Variants in FARP1 observed in about 807,000 individuals in gnomAD.
The protein encoded by FARP1 is FERM, ARH/RhoGEF and pleckstrin domain protein 1.
FARP1 carries 52 observed loss-of-function variants against 128.8 expected under a neutral mutation model. That is an observed-to-expected ratio of 0.40 (90% CI 0.32 to 0.51). The LOEUF (loss-of-function observed/expected upper bound fraction) is 0.51. FARP1 is among the 20% of genes least tolerant of loss of function. The pLI is 0.45. For missense variants in FARP1, 1,333 were observed against 1,367.9 expected (o/e 0.97, Z 0.40); for synonymous variants, 580 against 551.8 (o/e 1.05, Z -0.72).
At chr13:98,152,603 T>C (rs1440641850) in intron 1 of FARP1, among the ~76,000 whole-genome samples, 1 of 152,226 alleles carries the variant, frequency 6.6e-6, no homozygotes, top group African/African-American at 2.4e-5. Context: ...TGTTCTAGGA[T>C]ACCAGATAAT....
At chr13:98,373,181 A>C (rs1889423212) in intron 5 of FARP1, among the ~76,000 whole-genome samples, 2 of 152,172 alleles carry the variant, frequency 1.3e-5, no homozygotes. Context: ...GCCATCTCGC[A>C]GCCCATGTGT....
At chr13:98,393,772 C>G (rs375215549) in intron 12 of FARP1, 54 bp downstream of exon 12, 3 of 1,368,870 alleles carry the variant, frequency 2.2e-6, no homozygotes, top group African/African-American at 2.8e-5. Flanking sequence ...ACTTCCTCCA[C>G]GGAGCCCTGG....
At chr13:98,178,593 A>C (rs1218836704) in intron 1 of FARP1, among the ~76,000 whole-genome samples, 1 of 152,224 alleles carries the variant, frequency 6.6e-6, no homozygotes, top group Non-Finnish European at 1.5e-5. Flanking sequence ...TTATTTAGCC[A>C]GTGCATGTCA....
At chr13:98,293,340 G>A (rs1436809713) in intron 2 of FARP1, among the ~76,000 whole-genome samples, 3 of 152,134 alleles carry the variant, frequency 2.0e-5, no homozygotes, top group African/African-American at 7.2e-5. Context: ...TGTTCTCATA[G>A]CAGAGCCATG....
intron 2 of FARP1, among the ~76,000 whole-genome samples, chr13:98,282,531 TTC>T (rs1008808056): frequency 6.6e-6 from 1 of 152,178 alleles, no homozygotes; most frequent in Non-Finnish European, 1.5e-5. Flanking sequence ...CTAAGATCAG[TTC>T]TCTCTCTAAG....
intron 3 of FARP1, among the ~76,000 whole-genome samples, chr13:98,352,439 C>T (rs1888475651): frequency 6.6e-6 from 1 of 152,020 alleles, no homozygotes; most frequent in African/African-American, 2.4e-5. Context: ...GAGAGGGGAG[C>T]CCATATGGAA....
chr13:98,395,436 G>A lies in FARP1; in HGVS notation c.1374G>A (p.Arg458=). 2 of 1,603,264 alleles carry A rather than the reference G, an allele frequency of 1.2e-6. No homozygotes were observed. Among genetic ancestry groups the A allele is most frequent in the South Asian group, 1.1e-5 (1 of 90,714 alleles). ...AAGAGGAGGAGGTCGTTAAGGATAG[G>A]ACCCAGCAGAGTAAACCTCAGCCCC... ...TEEEEEVVKD[R]TQQSKPQPPQ... is the part of the protein sequence containing the mutation. Residue 458 remains arginine, a synonymous_variant, in exon 13 of 27, where the codon AGG becomes AGA. Coordinates refer to ENST00000319562, the MANE Select transcript of FARP1 (RefSeq NM_005766.4).
At chr13:98,342,364 CTG>C (rs1375121210) in intron 2 of FARP1, among the ~76,000 whole-genome samples, 1 of 152,350 alleles carries the variant, frequency 6.6e-6, no homozygotes, top group East Asian at 1.9e-4. Flanking sequence ...GGTGAATAAA[CTG>C]TATTACATCC....
At position 98,390,867 on chromosome 13, in the gene FARP1, G is replaced by T. The variant is rs1890279761; in HGVS notation, c.1075G>T (p.Val359Leu). ...TGTTAAAGAAGGAGGACATAAGAAG[G>T]TGCAGTTTGAAAGGTAAGAGAAGCT... ...DYVKEGGHKK[V>L]QFERKHSKIH... Residue 359 changes from valine to leucine, a missense_variant, in exon 11 of 27, where the codon GTG (valine) becomes TTG (leucine). Around this residue, in one of 2 missense-constraint regions of FARP1, gnomAD observed 1,009 missense variants for 969.8 expected, o/e 1.04. Transcript: ENST00000319562. 1.9e-6 allele frequency: 3 copies of T among 1,612,826 alleles called. No individual in the cohort carries two copies. The highest frequency in any genetic ancestry group is 3.3e-5 in the Admixed American group (2 of 59,972).
intron 1 of FARP1, among the ~76,000 whole-genome samples, chr13:98,209,576 T>C (rs59130477): frequency 0.77 from 108,566 of 141,214 alleles, 42,124 homozygotes; most frequent in East Asian, 1. Flanking sequence ...GCGGGTGGAT[T>C]ACTTGAGGTC....
chr13:98,288,473 T>C (rs1485797365), intron 2 of FARP1, among the ~76,000 whole-genome samples: 1 of 152,228 alleles, frequency 6.6e-6, no homozygotes, highest in Non-Finnish European at 1.5e-5. Flanking sequence ...TATTACTTCC[T>C]TGGAGTCTTT....
intron 1 of FARP1, among the ~76,000 whole-genome samples, chr13:98,211,855 C>T (rs1046166344): frequency 6.6e-6 from 1 of 152,186 alleles, no homozygotes; most frequent in Non-Finnish European, 1.5e-5. Flanking sequence ...GTTAAGCAGC[C>T]AGTATTGACC....
At position 98,314,387 on chromosome 13, in the gene FARP1, C is replaced by T. The variant is rs112856601; in HGVS notation, c.172-29375C>T. ...CTCCGTCTCCCGGGTTCAAGCGATT[C>T]TCCTGCCTCAGCCTCCCGAGTAGCT... On this transcript the variant is annotated intron_variant, in intron 2 of 26. Coordinates refer to ENST00000319562, the MANE Select transcript of FARP1 (RefSeq NM_005766.4). 3.6e-3 allele frequency among the ~76,000 whole-genome samples: 514 copies of T among 143,052 alleles called. 4 individuals carry two copies. Among genetic ancestry groups the T allele is most frequent in the African/African-American group, 0.013 (479 of 38,080 alleles). The allele number at this position is 143,052 out of a possible 152,430, so 93.8% of individuals were successfully genotyped here.
chr13:98,423,701 AC>A (rs779837511), intron 16 of FARP1, among the ~76,000 whole-genome samples: 10 of 152,136 alleles, frequency 6.6e-5, no homozygotes, highest in Non-Finnish European at 1.5e-4. Context: ...TGTCTCCTTC[AC>A]TATAACATGA....
In FARP1 at chr13:98,354,664, G is replaced by A. The variant is rs550236189; in HGVS notation, c.277-10731G>A. Among the ~76,000 whole-genome samples, 32 of 152,218 alleles carry A rather than the reference G, an allele frequency of 2.1e-4. No individual in the cohort carries two copies. In the South Asian group the frequency reaches 4.4e-3, roughly 21 times the overall value. On this transcript the variant is annotated intron_variant, in intron 3 of 26. Coordinates refer to ENST00000319562, the MANE Select transcript of FARP1 (RefSeq NM_005766.4). The stretch of plus-strand genomic sequence containing the variant: ...AGCAGTTCTACTCCTAAGTATTTAC[G>A]TAAGAGAAATGAAAGCTTATGTCCA...
chr13:98,204,806 G>C (rs1390539461), intron 1 of FARP1, among the ~76,000 whole-genome samples: 2 of 152,144 alleles, frequency 1.3e-5, no homozygotes, highest in South Asian at 2.1e-4. Flanking sequence ...CTAACTGGTG[G>C]TGGTGGTGGT....
intron 2 of FARP1, among the ~76,000 whole-genome samples, chr13:98,256,718 C>A (rs368142444): frequency 6.6e-6 from 1 of 151,284 alleles, no homozygotes; most frequent in African/African-American, 2.4e-5. Context: ...TGCTACCATG[C>A]CTGGCTAATT....
chr13:98,143,192 C>T lies in FARP1; in HGVS notation c.-324C>T, dbSNP rs1309699134. On this transcript the variant is annotated 5_prime_UTR_variant, in exon 1 of 27. Coordinates refer to ENST00000319562, the MANE Select transcript of FARP1 (RefSeq NM_005766.4). ...GCGGGGCGGGGACGCGGCCGCTGCC[C>T]GCTTTGCGCCGCTCCTCCCTGCGCG... 6.7e-6 allele frequency: 1 copy of T among 148,258 alleles called. No individual in the cohort carries two copies. The highest frequency in any genetic ancestry group is 2.4e-5 in the African/African-American group (1 of 40,984). The allele number at this position is 148,258 out of a possible 1,614,324, so 9.2% of individuals were successfully genotyped here.
At chr13:98,282,362 T>A (rs1275724879) in intron 2 of FARP1, among the ~76,000 whole-genome samples, 1 of 152,108 alleles carries the variant, frequency 6.6e-6, no homozygotes, top group African/African-American at 2.4e-5. Flanking sequence ...TAGTTATTGT[T>A]CCTAGGACAT....
Sources: allele counts gnomAD v4.1 joint callset (sites outside exome capture counted in the v4.1 genomes callset), GRCh38; gene constraint gnomAD v4.1.1; regional missense constraint gnomAD v4.1.1; transcripts MANE v1.5; gene names NCBI Gene and HGNC (gene_info 2026-07-23, HGNC 2026-07-21).